Variants in ERC2 observed in about 807,000 individuals in gnomAD.
ERC2 encodes ELKS/RAB6-interacting/CAST family member 2, also known as ERC protein 2.
ERC2 carries 42 observed loss-of-function variants against 114.8 expected under a neutral mutation model. That is an observed-to-expected ratio of 0.37 (90% CI 0.29 to 0.47). The LOEUF is 0.47. ERC2 is among the 20% of genes least tolerant of loss of function. The pLI, the probability that ERC2 is intolerant of heterozygous loss-of-function variation, is 0.99. For synonymous variants in ERC2, 454 were observed against 425.5 expected (o/e 1.07, Z -0.82); for missense variants, 939 against 1,150.7 (o/e 0.82, Z 2.66).
chr3:56,288,829 T>A (rs571547360), intron 3 of ERC2, among the ~76,000 whole-genome samples: 3 of 151,936 alleles, frequency 2.0e-5, no homozygotes, highest in Non-Finnish European at 4.4e-5. Flanking sequence ...CCACATAATC[T>A]CAAAAGAGAT....
chr3:56,357,966 A>C (rs2058808497), intron 2 of ERC2, among the ~76,000 whole-genome samples: 1 of 150,952 alleles, frequency 6.6e-6, no homozygotes, highest in Non-Finnish European at 1.5e-5. Flanking sequence ...TTTCCACCAG[A>C]CTCCTTCTGC....
chr3:55,593,473 T>C (rs1370370849), intron 17 of ERC2, among the ~76,000 whole-genome samples: 1 of 152,204 alleles, frequency 6.6e-6, no homozygotes, highest in Non-Finnish European at 1.5e-5. Flanking sequence ...TCTGGCTGAC[T>C]TCCTCTCCAA....
chr3:55,757,443 T>TAA (rs1482361577), intron 14 of ERC2, among the ~76,000 whole-genome samples: 3 of 152,178 alleles, frequency 2.0e-5, no homozygotes, highest in Admixed American at 6.5e-5. Flanking sequence ...ATTTATGTAA[T>TAA]AAATCATTAT....
chr3:55,761,359 G>T (rs1227118560), intron 14 of ERC2, among the ~76,000 whole-genome samples: 1 of 151,678 alleles, frequency 6.6e-6, no homozygotes, highest in Non-Finnish European at 1.5e-5. Flanking sequence ...AGTGTGTCCT[G>T]CTCAATATTT....
intron 15 of ERC2, among the ~76,000 whole-genome samples, chr3:55,733,556 A>T (rs1378890835): frequency 3.5e-5 from 5 of 142,746 alleles, no homozygotes; most frequent in Admixed American, 2.7e-4. Context: ...ACACACACAC[A>T]CACACACACA....
At chr3:56,081,265 C>T (rs2077216797) in intron 6 of ERC2, among the ~76,000 whole-genome samples, 1 of 152,126 alleles carries the variant, frequency 6.6e-6, no homozygotes, top group African/African-American at 2.4e-5. Context: ...TGTTTCCCTA[C>T]TACAACATGT....
At chr3:55,734,624 G>A (rs777928827) in intron 15 of ERC2, 147 bp downstream of exon 15, 10 of 862,634 alleles carry the variant, frequency 1.2e-5, no homozygotes, top group African/African-American at 8.6e-5. Flanking sequence ...GTGTTGCAGC[G>A]ACAACTGGGT....
At chr3:55,903,016 A>T (rs980776678) in intron 13 of ERC2, among the ~76,000 whole-genome samples, 2 of 152,230 alleles carry the variant, frequency 1.3e-5, no homozygotes, top group Non-Finnish European at 2.9e-5. Context: ...TTCACTGTTC[A>T]TCTGGGCAGA....
chr3:55,712,048 T>C (rs2063805235), intron 15 of ERC2, among the ~76,000 whole-genome samples: 1 of 152,224 alleles, frequency 6.6e-6, no homozygotes, highest in African/African-American at 2.4e-5. Context: ...TCCCATGTGT[T>C]CCCTAATTAT....
At chr3:56,457,176 A>G (rs945068358) in intron 1 of ERC2, among the ~76,000 whole-genome samples, 1 of 152,206 alleles carries the variant, frequency 6.6e-6, no homozygotes, top group Non-Finnish European at 1.5e-5. Context: ...AAAGATTTTG[A>G]AACACAATGT....
At chr3:56,363,116 G>A (rs1247098544) in intron 2 of ERC2, among the ~76,000 whole-genome samples, 1 of 152,160 alleles carries the variant, frequency 6.6e-6, no homozygotes, top group South Asian at 2.1e-4. Context: ...ATCTGTGGAT[G>A]GTAATAAAGT....
rs143906006 is a variant in ERC2 at position 55,713,096 on chromosome 3, T to TTCTCTCTCTCTCTC, written c.2713-13598_2713-13585dup. 4.0e-4 allele frequency among the ~76,000 whole-genome samples: 54 copies of TTCTCTCTCTCTCTC among 135,110 alleles called. No individual in the cohort carries two copies. The Middle Eastern group carries it at 0.011, about 28-fold the overall frequency. 88.6% of individuals were successfully genotyped at this position (135,110 alleles called of 152,430 possible). On this transcript the variant is annotated intron_variant, in intron 15 of 17. Coordinates refer to ENST00000288221, the MANE Select transcript of ERC2 (RefSeq NM_015576.3). ...ATCCTGGTTGTTAGTTCCTCTGCCA[T>TTCTCTCTCTCTCTC]TCTCTCTCTCTCTCTCTCTCTCTCT...
At chr3:55,515,305 T>C (rs62249159) in intron 17 of ERC2, among the ~76,000 whole-genome samples, 4,862 of 147,790 alleles carry the variant, frequency 0.033, 127 homozygotes, top group Middle Eastern at 0.064. Flanking sequence ...GTGTATACAT[T>C]AGAATATTAT....
In ERC2 at chr3:55,708,858, AAG is replaced by A. The variant is rs200697434; in HGVS notation, c.2713-9348_2713-9347del. 9.0e-4 allele frequency among the ~76,000 whole-genome samples: 98 copies of A among 108,520 alleles called. No individual in the cohort carries two copies. The East Asian group carries it at 0.022, about 24-fold the overall frequency. 71.2% of individuals were successfully genotyped at this position (108,520 alleles called of 152,430 possible). ...GGGAGAGAGTGAGGGAGGGAAGAGA[AAG>A]AGGAGAGAGAGAGAGAAGAGGAGAG... On this transcript the variant is annotated intron_variant, in intron 15 of 17. Transcript: ENST00000288221.
intron 13 of ERC2, among the ~76,000 whole-genome samples, chr3:55,938,582 T>A (rs2066594873): frequency 6.6e-6 from 1 of 152,210 alleles, no homozygotes; most frequent in Non-Finnish European, 1.5e-5. Flanking sequence ...CAGGCCCATG[T>A]CTGAACAGAC....
chr3:55,836,664 T>C (rs1463254256), intron 14 of ERC2, among the ~76,000 whole-genome samples: 10 of 152,034 alleles, frequency 6.6e-5, no homozygotes, highest in Admixed American at 5.9e-4. Context: ...GAAGAAAACC[T>C]AGGCATTACC....
intron 2 of ERC2, among the ~76,000 whole-genome samples, chr3:56,362,989 C>T (rs924777768): frequency 4.6e-5 from 7 of 152,132 alleles, no homozygotes; most frequent in Admixed American, 2.6e-4. Flanking sequence ...AGGATAGTTG[C>T]AATTGGTTTT....
intron 17 of ERC2, among the ~76,000 whole-genome samples, chr3:55,531,482 A>G (rs1370149396): frequency 6.6e-6 from 1 of 152,080 alleles, no homozygotes; most frequent in Non-Finnish European, 1.5e-5. Context: ...CCTGATGTGC[A>G]TTTGTGTCCT....
At chr3:56,090,829 T>A (rs2077749717) in intron 6 of ERC2, among the ~76,000 whole-genome samples, 1 of 151,690 alleles carries the variant, frequency 6.6e-6, no homozygotes, top group African/African-American at 2.4e-5. Flanking sequence ...CTTTGTCCAC[T>A]GTAGACCTAG....
Sources: allele counts gnomAD v4.1 joint callset (sites outside exome capture counted in the v4.1 genomes callset), GRCh38; gene constraint gnomAD v4.1.1; transcripts MANE v1.5; gene names NCBI Gene and HGNC (gene_info 2026-07-23, HGNC 2026-07-21).